Variants in CENATAC observed in about 807,000 individuals in gnomAD.
CENATAC encodes coiled-coil domain containing 84.
Under a neutral mutation model 53.7 loss-of-function variants are expected in CENATAC, and 53 were observed. The ratio of observed to expected loss-of-function variants is 0.99; its 90% CI spans 0.79 to 1.24. CENATAC has a LOEUF of 1.24. CENATAC is among the 50% of genes most tolerant of loss of function. The pLI is 0.00. For missense variants in CENATAC, 474 were observed against 417.8 expected, an observed-to-expected ratio of 1.13 and a Z score of -1.17; for synonymous variants, 156 against 144.6, an observed-to-expected ratio of 1.08 and a Z score of -0.57.
Position 119,011,255 on chromosome 11 carries a change from G to T in CENATAC, c.485G>T (p.Arg162Leu). 1 of 1,614,114 alleles carries T rather than the reference G, an allele frequency of 6.2e-7. No homozygotes were observed. The highest frequency in any genetic ancestry group is 8.5e-7 in the Non-Finnish European group (1 of 1,179,994). The change falls in exon 5 of 11, where the codon CGA becomes CTA. Residue 162 changes from arginine (R) to leucine (L), a missense_variant. Physicochemically the swap from Arg to Leu is moderately radical, Grantham distance 102. Coordinates refer to ENST00000334418, the MANE Select transcript of CENATAC (RefSeq NM_198489.3). ...CAGATCCGTGAGGTGGAGCAGAGCC[G>T]ACAGGAGGTGGTTCGGTCTGTCTTA... is the stretch of plus-strand genomic sequence containing the variant. Reference protein sequence around the residue: ...AAQIREVEQSRQEVVRSVLEP... With the variant: ...AAQIREVEQSLQEVVRSVLEP...
chr11:119,001,805 C>G, intron 3 of CENATAC: 1 of 395,712 alleles, frequency 2.5e-6, no homozygotes, highest in Non-Finnish European at 5.1e-6. Flanking sequence ...ACCTGTAGTC[C>G]TAGCTACTCA....
chr11:119,007,123 G>C (rs373928476), intron 3 of CENATAC, among the ~76,000 whole-genome samples: 4 of 152,282 alleles, frequency 2.6e-5, no homozygotes, highest in African/African-American at 9.6e-5. Flanking sequence ...CCAGGTTCCA[G>C]ATAAATGAAC....
rs1169400066 is a variant in CENATAC at position 119,011,207 on chromosome 11, CCTCT to C, written c.451-10_451-7del. On this transcript the variant is annotated splice_polypyrimidine_tract_variant and intron_variant, in intron 4 of 10. Coordinates refer to ENST00000334418, the MANE Select transcript of CENATAC (RefSeq NM_198489.3). ...CATGATCCTGTACCTGTCTAAGCAG[CCTCT>C]CTCCCACAGATGGCAGCTCAGATCC... 2.5e-6 allele frequency: 4 copies of C among 1,612,456 alleles called. No individual in the cohort carries two copies. The East Asian group carries it at 8.9e-5, about 36-fold the overall frequency.
intron 3 of CENATAC, chr11:119,003,075 T>C (rs1389210156): frequency 3.8e-6 from 2 of 527,758 alleles, no homozygotes; most frequent in Non-Finnish European, 7.5e-6. Context: ...GTCGAACATG[T>C]TCCTTCTCTC....
chr11:119,011,420 C>T, intron 5 of CENATAC, 137 bp downstream of exon 5: 2 of 762,914 alleles, frequency 2.6e-6, no homozygotes, highest in Non-Finnish European at 4.2e-6. Flanking sequence ...GTCACCCAGG[C>T]TGGAGTGCAG....
At chr11:118,999,762 A>C (rs1039194936) in intron 3 of CENATAC, among the ~76,000 whole-genome samples, 3 of 151,484 alleles carry the variant, frequency 2.0e-5, no homozygotes, top group Admixed American at 6.6e-5. Context: ...CCTGCCTCAG[A>C]CTCCTGAGTA....
intron 2 of CENATAC, 133 bp downstream of exon 2, chr11:118,998,726 GC>G: frequency 8.0e-7 from 1 of 1,254,724 alleles, no homozygotes; most frequent in Non-Finnish European, 1.1e-6. Context: ...CACAGGTTTT[GC>G]CAGCCTTGTT....
At position 119,012,234 on chromosome 11, in the gene CENATAC, C is replaced by G; in HGVS notation, c.664C>G (p.Leu222Val). The G allele has an allele frequency of 6.2e-7, 1 of 1,614,140 alleles. No individual in the cohort carries two copies. The highest frequency in any genetic ancestry group is 1.1e-5 in the South Asian group (1 of 91,072). Residue 222 changes from leucine (L) to valine (V), a missense_variant, in exon 7 of 11, where the codon CTG (leucine) becomes GTG (valine). By Grantham distance (32) the Leu-to-Val change is conservative. Transcript: ENST00000334418. ...TGACTGGATGGAGACAGGACCATCT[C>G]TGACATTCATTGGCCATCAGGTACA... ...ELDWMETGPS[L>V]TFIGHQDIPG...
At position 119,015,448 on chromosome 11, in the gene CENATAC, G is replaced by A. The variant is rs1266139942; in HGVS notation, c.938+9G>A. 2 of 1,613,960 alleles carry A rather than the reference G, an allele frequency of 1.2e-6. No homozygotes were observed. On this transcript the variant is annotated intron_variant, in intron 10 of 10. Transcript: ENST00000334418. ...CGCCGCTGGCAGTCCAGGTATGTGT[G>A]TTCAGTGCCGGGTCTCCAACCTACC...
chr11:119,005,425 C>T (rs1942538301), intron 3 of CENATAC, among the ~76,000 whole-genome samples: 1 of 151,296 alleles, frequency 6.6e-6, no homozygotes, highest in Non-Finnish European at 1.5e-5. Flanking sequence ...GAGATCATGC[C>T]ACTGCACTCC....
intron 3 of CENATAC, among the ~76,000 whole-genome samples, chr11:118,999,500 C>G (rs1173715978): frequency 6.6e-6 from 1 of 152,146 alleles, no homozygotes; most frequent in Non-Finnish European, 1.5e-5. Flanking sequence ...CTCTTTTCGC[C>G]CAGGCTGGAG....
intron 3 of CENATAC, among the ~76,000 whole-genome samples, chr11:119,009,212 T>C (rs1310137716): frequency 6.6e-6 from 1 of 152,058 alleles, no homozygotes; most frequent in African/African-American, 2.4e-5. Context: ...CACTGCAACC[T>C]CCACCTCCGA....
intron 3 of CENATAC, among the ~76,000 whole-genome samples, chr11:119,004,067 C>A (rs1442667161): frequency 1.3e-5 from 2 of 152,154 alleles, no homozygotes; most frequent in Non-Finnish European, 2.9e-5. Flanking sequence ...TTTAATGTTA[C>A]AATACTGCCT....
chr11:119,013,137 C>CT lies in CENATAC; in HGVS notation c.685-91dup. ...ATTGTGGCAGCAGTCACACCCACCTCTTTTAAAGTGTGCTTTGTCTATCGT... is the reference window on the plus strand; with the variant it reads ...ATTGTGGCAGCAGTCACACCCACCTCTTTTTAAAGTGTGCTTTGTCTATCGT... On this transcript the variant is annotated intron_variant, in intron 7 of 10. Coordinates refer to ENST00000334418, the MANE Select transcript of CENATAC (RefSeq NM_198489.3). 4.3e-6 allele frequency: 4 copies of CT among 938,696 alleles called. No individual in the cohort carries two copies. In the South Asian group the frequency reaches 5.9e-5, roughly 14 times the overall value. The allele number at this position is 938,696 out of a possible 1,614,324, so 58.1% of individuals were successfully genotyped here.
At chr11:119,003,793 A>G (rs577019622) in intron 3 of CENATAC, 1 of 157,498 alleles carries the variant, frequency 6.3e-6, no homozygotes, top group African/African-American at 2.4e-5. Flanking sequence ...TAATTTTTGT[A>G]ATTGTAGTAG....
intron 3 of CENATAC, chr11:118,999,311 C>T (rs1214404768): frequency 1.9e-6 from 1 of 527,372 alleles, no homozygotes; most frequent in Non-Finnish European, 3.4e-6. Flanking sequence ...TAGGATTTAG[C>T]AAATAGAGAA....
rs191513211 is a variant in CENATAC at position 119,010,565 on chromosome 11, G to A, written c.384-199G>A. ...CCTATTTTGTTTTGGCAAAAAGGAC[G>A]TGTGTCTGTACAAAAGAAGTGGAGC... is the stretch of plus-strand genomic sequence containing the variant. On this transcript the variant is annotated intron_variant, in intron 3 of 10. Coordinates refer to ENST00000334418, the MANE Select transcript of CENATAC (RefSeq NM_198489.3). The A allele has an allele frequency of 1.1e-4, 61 of 543,356 alleles. No individual in the cohort carries two copies. The East Asian group carries it at 1.4e-3, about 13-fold the overall frequency. The allele number at this position is 543,356 out of a possible 1,614,324, so 33.7% of individuals were successfully genotyped here. A position where few individuals can be genotyped will look rare whatever the true frequency, so the allele number is the denominator to read the frequency against.
In CENATAC at chr11:119,015,642, C is replaced by T. The variant is rs782623092; in HGVS notation, c.*44C>T. The stretch of plus-strand genomic sequence containing the variant: ...ACCATGAGGCTAAAAGCAAAGTCAA[C>T]AAACCCCTATTATACCTTCCACCAA... On this transcript the variant is annotated 3_prime_UTR_variant, in exon 11 of 11. Coordinates refer to ENST00000334418, the MANE Select transcript of CENATAC (RefSeq NM_198489.3). The T allele has an allele frequency of 1.9e-6, 3 of 1,591,056 alleles. No homozygotes were observed. The highest frequency in any genetic ancestry group is 2.6e-6 in the Non-Finnish European group (3 of 1,159,642).
Position 119,015,220 on chromosome 11 carries a change from G to A in CENATAC, c.806-87G>A, listed in dbSNP as rs1201237830. 2.7e-6 allele frequency: 4 copies of A among 1,491,508 alleles called. No homozygotes were observed. In the African/African-American group the frequency reaches 5.6e-5, roughly 21 times the overall value. The allele number at this position is 1,491,508 out of a possible 1,614,324, so 92.4% of individuals were successfully genotyped here. On this transcript the variant is annotated intron_variant, in intron 9 of 10. Coordinates refer to ENST00000334418, the MANE Select transcript of CENATAC (RefSeq NM_198489.3). ...GTGGGAGGGTCACTTGAGCCCAGAA[G>A]TTTGAAAACAGCCTGGACAACATAG...
Sources: allele counts gnomAD v4.1 joint callset (sites outside exome capture counted in the v4.1 genomes callset), GRCh38; gene constraint gnomAD v4.1.1; transcripts MANE v1.5; gene names NCBI Gene and HGNC (gene_info 2026-07-23, HGNC 2026-07-21).